The following SPG11 variants were observed in gnomAD, a reference collection of about 807,000 sequenced individuals.
SPG11 encodes SPG11 vesicle trafficking associated, spatacsin, also known as spatacsin.
A neutral mutation model predicts 274.0 loss-of-function variants in SPG11; 222 were observed. The ratio of observed to expected loss-of-function variants is 0.81; its 90% CI spans 0.73 to 0.91. The LOEUF (loss-of-function observed/expected upper bound fraction) is 0.91, where lower values mean the gene tolerates loss of function less well. Ranked by LOEUF, SPG11 falls within the 40% of genes least tolerant of loss-of-function variation. SPG11 has a pLI of 0.00. For synonymous variants in SPG11, 1,144 were observed against 1,039.7 expected (o/e 1.10, Z -1.93); for missense variants, 3,114 against 2,872.7 (o/e 1.08, Z -1.92).
chr15:44,573,400 G>A, intron 32 of SPG11, 147 bp downstream of exon 32: 1 of 808,608 alleles, frequency 1.2e-6, no homozygotes, highest in Non-Finnish European at 2.1e-6. Context: ...CATGTATTTT[G>A]TTTTATTTAA....
rs146794605 is a variant in SPG11, at chr15:44,629,978, G to A, written c.1736-590C>T. 7.7e-3 allele frequency among the ~76,000 whole-genome samples: 1,171 copies of A among 152,238 alleles called. 19 individuals carry two copies. Among genetic ancestry groups the A allele is most frequent in the African/African-American group, 0.026 (1,084 of 41,540 alleles). On this transcript the variant is annotated intron_variant, in intron 8 of 39. Transcript: ENST00000261866. ...CCCAGCTACTCAGGAGGCTGAGGCAGAAGAATTGCTTGAACCCGGGAGGCG... is the reference window on the plus strand; with the variant it reads ...CCCAGCTACTCAGGAGGCTGAGGCAAAAGAATTGCTTGAACCCGGGAGGCG...
intron 11 of SPG11, 28 bp downstream of exon 11, chr15:44,626,303 T>G: frequency 6.3e-7 from 1 of 1,575,940 alleles, no homozygotes; most frequent in South Asian, 1.2e-5. Flanking sequence ...TAAATACATT[T>G]TAAGACTTTA....
In SPG11 at chr15:44,563,380, C is replaced by T. The variant is rs564694104; in HGVS notation, c.7152-79G>A. 1.1e-4 allele frequency: 154 copies of T among 1,391,902 alleles called. 2 individuals are homozygous for T. Among genetic ancestry groups the T allele is most frequent in the Non-Finnish European group, 1.4e-4 (141 of 991,786 alleles). The allele number at this position is 1,391,902 out of a possible 1,614,324, so 86.2% of individuals were successfully genotyped here. On this transcript the variant is annotated intron_variant, in intron 39 of 39. Coordinates refer to ENST00000261866, the MANE Select transcript of SPG11 (RefSeq NM_025137.4). ...GTTTGAGACAGTCTTACTCTGTTGC[C>T]CAGGCTGGAGTGCAGAGGAGCAGTC...
At position 44,596,223 on chromosome 15, in the gene SPG11, G is replaced by A; in HGVS notation, c.4294C>T (p.Gln1432Ter). Residue 1432 changes from glutamine (Q) to a stop codon, truncating the protein, a stop_gained, in exon 25 of 40, where the codon CAA becomes TAA. Coordinates refer to ENST00000261866, the MANE Select transcript of SPG11 (RefSeq NM_025137.4). LOFTEE classifies it high-confidence loss of function. ...TCGGTCATCTCTTGTTTGCTTCCTT[G>A]AAGTTCCTGGGGGCACTTATTGCAG... is the stretch of plus-strand genomic sequence containing the variant. ...QVCNKCPQEL[Q>*]GSKQEMTDLF... 1.2e-6 allele frequency: 2 copies of A among 1,614,122 alleles called. No individual in the cohort carries two copies. Among genetic ancestry groups the A allele is most frequent in the Non-Finnish European group, 1.7e-6 (2 of 1,180,014 alleles).
At chr15:44,637,866 A>G (rs922722508) in intron 7 of SPG11, among the ~76,000 whole-genome samples, 1 of 152,206 alleles carries the variant, frequency 6.6e-6, no homozygotes, top group African/African-American at 2.4e-5. Flanking sequence ...TATTCCAGAA[A>G]AAGGCATAGG....
chr15:44,564,517 C>T, intron 39 of SPG11, 30 bp downstream of exon 39: 3 of 1,610,770 alleles, frequency 1.9e-6, no homozygotes, highest in Non-Finnish European at 2.5e-6. Flanking sequence ...AGGCAAGGAG[C>T]AATGTTTACA....
chr15:44,604,931 CAAA>C lies in SPG11; in HGVS notation c.3520+1091_3520+1093del, dbSNP rs908048525. On this transcript the variant is annotated intron_variant, in intron 20 of 39. Coordinates refer to ENST00000261866, the MANE Select transcript of SPG11 (RefSeq NM_025137.4). ...CCTGGGCGGAACAAGACTCCATCTC[CAAA>C]AAAAAAAAAAAAAAAAAAAAAAAAA... Among the ~76,000 whole-genome samples, 216 of 22,434 alleles carry C rather than the reference CAAA, an allele frequency of 9.6e-3. 2 individuals carry two copies. In the East Asian group the frequency reaches 0.1, roughly 10 times the overall value. The allele number at this position is 22,434 out of a possible 152,430, so 14.7% of individuals were successfully genotyped here.
chr15:44,601,557 CTTT>C (rs776775388), intron 20 of SPG11, among the ~76,000 whole-genome samples: 6 of 122,786 alleles, frequency 4.9e-5, no homozygotes, highest in South Asian at 2.6e-4. Flanking sequence ...CCAGCCTCTT[CTTT>C]TTTTTTTTTT....
chr15:44,639,150 A>C (rs147865702), intron 7 of SPG11, among the ~76,000 whole-genome samples: 2 of 152,230 alleles, frequency 1.3e-5, no homozygotes, highest in East Asian at 3.9e-4. Context: ...TGATTATCTC[A>C]ATAGATACAG....
intron 7 of SPG11, among the ~76,000 whole-genome samples, chr15:44,643,977 C>T (rs2084531831): frequency 6.6e-6 from 1 of 151,968 alleles, no homozygotes; most frequent in Non-Finnish European, 1.5e-5. Flanking sequence ...TCCTGGCTAA[C>T]ACGGTGAAAC....
chr15:44,600,664 T>C (rs367826643), intron 20 of SPG11, 32 bp from the exon 21 acceptor site: 2 of 1,598,896 alleles, frequency 1.3e-6, no homozygotes, highest in South Asian at 1.1e-5. Flanking sequence ...ATTAATTATC[T>C]GTATATCACC....
chr15:44,630,119 A>G (rs561017306), intron 8 of SPG11, among the ~76,000 whole-genome samples: 4 of 152,338 alleles, frequency 2.6e-5, no homozygotes, highest in African/African-American at 7.2e-5. Context: ...TCTGATTGCA[A>G]AGCTATTCTG....
At position 44,604,931 on chromosome 15, in the gene SPG11, C is replaced by CAAAAA. The variant is rs908048525; in HGVS notation, c.3520+1089_3520+1093dup. Among the ~76,000 whole-genome samples, 40 of 22,492 alleles carry CAAAAA rather than the reference C, an allele frequency of 1.8e-3. 5 individuals are homozygous for CAAAAA. Among genetic ancestry groups the CAAAAA allele is most frequent in the African/African-American group, 7.0e-3 (36 of 5,130 alleles). The allele number at this position is 22,492 out of a possible 152,430, so 14.8% of individuals were successfully genotyped here. A position where few individuals can be genotyped will look rare whatever the true frequency, so the allele number is the denominator to read the frequency against. On this transcript the variant is annotated intron_variant, in intron 20 of 39. Transcript: ENST00000261866. ...CCTGGGCGGAACAAGACTCCATCTC[C>CAAAAA]AAAAAAAAAAAAAAAAAAAAAAAAA...
intron 12 of SPG11, 120 bp from the exon 13 acceptor site, chr15:44,622,467 G>T: frequency 1.2e-6 from 1 of 859,904 alleles, no homozygotes; most frequent in Non-Finnish European, 1.8e-6. Flanking sequence ...AAAAAGTCAT[G>T]AGATAATATG....
rs747538002 is a variant in SPG11 at position 44,639,320 on chromosome 15, CAGAG to C, written c.1603-5687_1603-5684del. On this transcript the variant is annotated intron_variant, in intron 7 of 39. Transcript: ENST00000261866. ...ACACACACACACAGAGATGGAGAGA[CAGAG>C]AGAGAGCGTGTGTGCTCTACTCAGG... Among the ~76,000 whole-genome samples the C allele has an allele frequency of 6.5e-3, 978 of 151,366 alleles. 10 individuals are homozygous for C. Among genetic ancestry groups the C allele is most frequent in the African/African-American group, 0.022 (887 of 41,228 alleles).
At chr15:44,581,381 A>AT (rs2082656290) in intron 30 of SPG11, among the ~76,000 whole-genome samples, 1 of 151,230 alleles carries the variant, frequency 6.6e-6, no homozygotes, top group African/African-American at 2.4e-5. Flanking sequence ...TAATTTTTGT[A>AT]TTTTTTGTAG....
Position 44,608,464 on chromosome 15 carries a change from T to C in SPG11, c.3433A>G (p.Thr1145Ala), listed in dbSNP as rs755490045. The C allele has an allele frequency of 6.2e-7, 1 of 1,614,172 alleles. No homozygotes were observed. Among genetic ancestry groups the C allele is most frequent in the Non-Finnish European group, 8.5e-7 (1 of 1,180,006 alleles). ...TPPSVLPSDI[T>A]IYHLIQSLSP... The stretch of plus-strand genomic sequence containing the variant: ...TGTACCTGAATAAGGTGGTAGATTG[T>C]AATATCAGATGGCAGGACACTAGGA... The change falls in exon 19 of 40, where the codon ACA (threonine) becomes GCA (alanine). Residue 1145 changes from threonine to alanine, a missense_variant. Thr to Ala is a moderately conservative substitution (Grantham distance 58, BLOSUM62 0). Transcript: ENST00000261866.
In SPG11 at chr15:44,657,144, C is replaced by T. The variant is rs543316224; in HGVS notation, c.820G>A (p.Val274Ile). 1.2e-5 allele frequency: 20 copies of T among 1,614,168 alleles called. No individual in the cohort carries two copies. Among genetic ancestry groups the T allele is most frequent in the African/African-American group, 4.0e-5 (3 of 75,038 alleles). ...VSQDLDVAVI[V>I]SSSNSAVALN... ...GCAACTGCGGAGTTGGAGGAGCTGA[C>T]AATCACTGCAACATCGAGGTCTTGA... Residue 274 changes from valine to isoleucine, a missense_variant, in exon 4 of 40, where the codon GTC becomes ATC. Val to Ile is a conservative substitution (Grantham distance 29). Transcript: ENST00000261866.
Position 44,615,442 on chromosome 15 carries a change from C to G in SPG11, c.2959G>C (p.Asp987His), listed in dbSNP as rs2083568707. Reference protein sequence around the residue: ...VQNYKTKEGWDFHSQFILYCL... With the variant: ...VQNYKTKEGWHFHSQFILYCL... ...TAGAGAATGAATTGAGAATGGAAATCCCAACCTTCTTTGGTCTTGTAGTTT... is the reference window on the plus strand; with the variant it reads ...TAGAGAATGAATTGAGAATGGAAATGCCAACCTTCTTTGGTCTTGTAGTTT... Residue 987 changes from aspartate to histidine, a missense_variant, in exon 16 of 40, where the codon GAT (aspartate) becomes CAT (histidine). Asp to His is a moderately conservative substitution (Grantham distance 81). Transcript: ENST00000261866. 1 of 1,613,920 alleles carries G rather than the reference C, an allele frequency of 6.2e-7. No homozygotes were observed. Among genetic ancestry groups the G allele is most frequent in the Non-Finnish European group, 8.5e-7 (1 of 1,179,998 alleles).
Sources: gnomAD v4.1 joint callset for allele counts (sites outside exome capture counted in the v4.1 genomes callset) on GRCh38, gnomAD v4.1.1 for gene constraint, MANE v1.5 for transcripts, NCBI Gene and HGNC (gene_info 2026-07-23, HGNC 2026-07-21) for gene names.